LTBP2: variants seen among roughly 807,000 people sequenced by gnomAD.
LTBP2 encodes the protein latent transforming growth factor beta binding protein 2, also known as latent-transforming growth factor beta-binding protein 2.
A neutral mutation model predicts 210.6 loss-of-function variants in LTBP2; 103 were observed. That is an observed-to-expected ratio of 0.49 (90% CI 0.42 to 0.58). The LOEUF (loss-of-function observed/expected upper bound fraction) is 0.58, where lower values mean the gene tolerates loss of function less well. LTBP2 is among the 20% of genes least tolerant of loss of function. LTBP2 has a pLI of 0.00. For synonymous variants in LTBP2, 1,007 were observed against 1,015.0 expected (o/e 0.99, Z 0.15); for missense variants, 2,313 against 2,494.5 (o/e 0.93, Z 1.55).
chr14:74,570,751 A>T (rs1301911351), intron 3 of LTBP2, among the ~76,000 whole-genome samples: 1 of 152,218 alleles, frequency 6.6e-6, no homozygotes, highest in African/African-American at 2.4e-5. Flanking sequence ...CATCCCCAGC[A>T]GGGAAGTGCT....
In LTBP2 at chr14:74,498,460, T is replaced by C. The variant is rs2086874779; in HGVS notation, c.*2424A>G. The C allele has an allele frequency of 4.7e-6, 1 of 213,302 alleles. No homozygotes were observed. Among genetic ancestry groups the C allele is most frequent in the Non-Finnish European group, 9.5e-6 (1 of 105,480 alleles). The allele number at this position is 213,302 out of a possible 1,614,324, so 13.2% of individuals were successfully genotyped here. On this transcript the variant is annotated 3_prime_UTR_variant, in exon 36 of 36. Transcript: ENST00000261978. ...GTCAGTGAGGGACTGATTAAATAAA[T>C]TATGGTTTATCCATTCAATGGAATA... is the stretch of plus-strand genomic sequence containing the variant.
rs2087646451 is a variant in LTBP2, at chr14:74,551,051, G to A, written c.1686+13C>T. On this transcript the variant is annotated intron_variant, in intron 7 of 35. Coordinates refer to ENST00000261978, the MANE Select transcript of LTBP2 (RefSeq NM_000428.3). ...GGAAGCATCCAGGGCTGAGGCCAGA[G>A]CTGTGTTCTCACCTGTCCGTTCACA... 3 of 1,613,450 alleles carry A rather than the reference G, an allele frequency of 1.9e-6. No homozygotes were observed. The highest frequency in any genetic ancestry group is 2.7e-5 in the African/African-American group (2 of 74,948).
At chr14:74,505,995 C>T (rs913298681) in intron 28 of LTBP2, 53 bp downstream of exon 28, 132 of 1,606,918 alleles carry the variant, frequency 8.2e-5, no homozygotes, top group South Asian at 5.5e-5. Flanking sequence ...CAGAGGGACA[C>T]GCTCTCTGTA....
In LTBP2 at chr14:74,538,645, C is replaced by T. The variant is rs79211893; in HGVS notation, c.1790-2645G>A. Among the ~76,000 whole-genome samples, 1,187 of 152,348 alleles carry T rather than the reference C, an allele frequency of 7.8e-3. 21 individuals are homozygous for T. The highest frequency in any genetic ancestry group is 0.027 in the African/African-American group (1,126 of 41,578). ...GAAGCCCCACTCTTCCCTGAGGACA[C>T]ACTGTGTGCCAAGCATGACATGTGA... On this transcript the variant is annotated intron_variant, in intron 8 of 35. Transcript: ENST00000261978.
chr14:74,544,184 G>T (rs1391812535), intron 8 of LTBP2, among the ~76,000 whole-genome samples: 1 of 152,244 alleles, frequency 6.6e-6, no homozygotes, highest in African/African-American at 2.4e-5. Context: ...TTTCTTTAGA[G>T]TAGGGGACTG....
chr14:74,580,788 C>A (rs538761705), intron 3 of LTBP2, among the ~76,000 whole-genome samples: 1 of 151,968 alleles, frequency 6.6e-6, no homozygotes, highest in South Asian at 2.1e-4. Context: ...GGTGAAACCA[C>A]GTCTATAAAA....
In LTBP2 at chr14:74,596,787, G is replaced by A. The variant is rs116796485; in HGVS notation, c.565+6848C>T. Among the ~76,000 whole-genome samples, 1,388 of 152,348 alleles carry A rather than the reference G, an allele frequency of 9.1e-3. 28 individuals are homozygous for A. The highest frequency in any genetic ancestry group is 0.032 in the African/African-American group (1,335 of 41,582). On this transcript the variant is annotated intron_variant, in intron 2 of 35. Coordinates refer to ENST00000261978, the MANE Select transcript of LTBP2 (RefSeq NM_000428.3). Reference sequence around the variant, plus strand: ...CTGGGTGGCTGGCTCGAGCAGTCAAGTCGATGGGGGTGCCAGTTAACAGAG... The same window carrying A: ...CTGGGTGGCTGGCTCGAGCAGTCAAATCGATGGGGGTGCCAGTTAACAGAG...
intron 26 of LTBP2, 34 bp downstream of exon 26, chr14:74,507,145 C>T: frequency 6.2e-7 from 1 of 1,613,992 alleles, no homozygotes. Flanking sequence ...GTTTTCTCAG[C>T]CCTCTCTCCT....
chr14:74,508,099 G>A lies in LTBP2; in HGVS notation c.3653-4C>T. Reference sequence around the variant, plus strand: ...GTGGTGGCACACTCGTCCACATCTAGAGTAGAGATGGCTGTCAGCAGACCC... The same window carrying A: ...GTGGTGGCACACTCGTCCACATCTAAAGTAGAGATGGCTGTCAGCAGACCC... On this transcript the variant is annotated splice_polypyrimidine_tract_variant and splice_region_variant and intron_variant, in intron 24 of 35. Coordinates refer to ENST00000261978, the MANE Select transcript of LTBP2 (RefSeq NM_000428.3). 1 of 1,613,634 alleles carries A rather than the reference G, an allele frequency of 6.2e-7. No individual in the cohort carries two copies. Among genetic ancestry groups the A allele is most frequent in the South Asian group, 1.1e-5 (1 of 91,058 alleles).
rs761199739 is a variant in LTBP2, at chr14:74,502,802, GC to G, written c.5020del (p.Ala1674ProfsTer67). On this transcript the variant is annotated frameshift_variant, in exon 34 of 36. Coordinates refer to ENST00000261978, the MANE Select transcript of LTBP2 (RefSeq NM_000428.3). LOFTEE classifies it high-confidence loss of function. ...LHYSIYGPDGAPFYNYLGPED... is the reference protein window; with the variant it reads ...LHYSIYGPDGXPFYNYLGPED... ...GGGGCCCAGGTAGTTGTAGAAGGGG[GC>G]CCCATCTGGGCCATAGATGCTGTAG... is the stretch of plus-strand genomic sequence containing the variant. 3 of 1,614,136 alleles carry G rather than the reference GC, an allele frequency of 1.9e-6. No individual in the cohort carries two copies. The Admixed American group carries it at 5.0e-5, about 27-fold the overall frequency.
chr14:74,603,765 G>A (rs1391188198), intron 1 of LTBP2, 60 bp from the exon 2 acceptor site: 4 of 1,429,384 alleles, frequency 2.8e-6, no homozygotes, highest in Admixed American at 1.7e-5. Context: ...ACTATTCACA[G>A]CCCCTCCGAC....
Position 74,504,177 on chromosome 14 carries a change from G to A in LTBP2, c.4454-123C>T. The A allele has an allele frequency of 1.0e-5, 13 of 1,254,990 alleles. 1 individual carries two copies. The South Asian group carries it at 1.7e-4, about 16-fold the overall frequency. 77.7% of individuals were successfully genotyped at this position (1,254,990 alleles called of 1,614,324 possible). On this transcript the variant is annotated intron_variant, in intron 30 of 35. Transcript: ENST00000261978. ...TCTGCCACTTACTAGGTGGCTTTGG[G>A]CAAGTTGCTTAAGTTCGCCTTGCCT...
intron 8 of LTBP2, among the ~76,000 whole-genome samples, chr14:74,546,483 C>T (rs559238903): frequency 2.6e-5 from 4 of 152,314 alleles, no homozygotes; most frequent in African/African-American, 9.6e-5. Flanking sequence ...CCCAACTGCA[C>T]TTTCATGTGT....
At chr14:74,503,628 G>C (rs376430888) in intron 31 of LTBP2, 22 bp from the exon 32 acceptor site, 7 of 1,612,382 alleles carry the variant, frequency 4.3e-6, no homozygotes, top group Non-Finnish European at 5.1e-6. Flanking sequence ...GGAAAGGGTG[G>C]GGCATTGCCA....
chr14:74,533,829 T>C (rs2087383236), intron 9 of LTBP2, among the ~76,000 whole-genome samples: 1 of 152,110 alleles, frequency 6.6e-6, no homozygotes, highest in African/African-American at 2.4e-5. Context: ...CAATCTAAGA[T>C]ATGAGGAGTC....
intron 8 of LTBP2, among the ~76,000 whole-genome samples, chr14:74,548,643 T>C (rs1306663401): frequency 6.6e-6 from 1 of 152,244 alleles, no homozygotes; most frequent in East Asian, 1.9e-4. Context: ...GATGCACATC[T>C]CCTGTGCAGT....
chr14:74,509,642 A>G (rs1183683489), intron 21 of LTBP2, 92 bp downstream of exon 21: 1 of 1,579,150 alleles, frequency 6.3e-7, no homozygotes, highest in Non-Finnish European at 8.7e-7. Flanking sequence ...GCCCCTCGGC[A>G]TCAGCCCCAA....
intron 3 of LTBP2, among the ~76,000 whole-genome samples, chr14:74,578,894 T>G: frequency 6.6e-6 from 1 of 152,204 alleles, no homozygotes; most frequent in East Asian, 1.9e-4. Context: ...TTGCTCTTGT[T>G]GCCCAGGCTG....
Position 74,500,821 on chromosome 14 carries a change from C to G in LTBP2, c.*63G>C. 2 of 1,606,186 alleles carry G rather than the reference C, an allele frequency of 1.2e-6. No homozygotes were observed. The highest frequency in any genetic ancestry group is 1.7e-6 in the Non-Finnish European group (2 of 1,174,756). On this transcript the variant is annotated 3_prime_UTR_variant, in exon 36 of 36. Transcript: ENST00000261978. ...GTGTCTTCCCAGCTAGGAAATCATC[C>G]TCAAGGCCCCTGCCTGTGACTGGAG...
Sources: allele counts gnomAD v4.1 joint callset (sites outside exome capture counted in the v4.1 genomes callset), GRCh38; gene constraint gnomAD v4.1.1; transcripts MANE v1.5; gene names NCBI Gene and HGNC (gene_info 2026-07-23, HGNC 2026-07-21).